SLC4A1AP: variants seen among roughly 807,000 people sequenced by gnomAD.
The protein encoded by SLC4A1AP is kanadaptin.
A neutral mutation model predicts 89.7 loss-of-function variants in SLC4A1AP; 64 were observed. That is an observed-to-expected ratio of 0.71 (90% CI 0.58 to 0.88). The LOEUF is 0.88. Ranked by LOEUF, SLC4A1AP falls within the 40% of genes least tolerant of loss-of-function variation. The pLI, the probability that SLC4A1AP is intolerant of heterozygous loss-of-function variation, is 0.00. For missense variants in SLC4A1AP, 931 were observed against 965.0 expected (o/e 0.96, Z 0.47); for synonymous variants, 366 against 353.3 (o/e 1.04, Z -0.40).
At chr2:27,677,344 G>T in exon 7 of SLC4A1AP, 1 of 1,613,292 alleles carries the variant, frequency 6.2e-7, no homozygotes, top group Non-Finnish European at 8.5e-7. Context: ...ATTTCTGAGA[G>T]ATTGAAAGCC....
chr2:27,687,840 C>CT, intron 10 of SLC4A1AP, 94 bp from the exon 11 acceptor site: 1 of 868,978 alleles, frequency 1.2e-6, no homozygotes. Context: ...TGATTATGTA[C>CT]TTAGCTTCTC....
intron 12 of SLC4A1AP, among the ~76,000 whole-genome samples, chr2:27,689,976 T>G (rs1352532063): frequency 1.3e-5 from 2 of 152,220 alleles, no homozygotes; most frequent in African/African-American, 4.8e-5. Context: ...GAGTGTCATG[T>G]AACTCACTGG....
At position 27,693,481 on chromosome 2, in the gene SLC4A1AP, T is replaced by C. The variant is rs543239127; in HGVS notation, c.2272-204T>C. 2.4e-5 allele frequency: 13 copies of C among 544,354 alleles called. No individual in the cohort carries two copies. In the South Asian group the frequency reaches 3.3e-4, roughly 14 times the overall value. 33.7% of individuals were successfully genotyped at this position (544,354 alleles called of 1,614,324 possible). On this transcript the variant is annotated intron_variant, in intron 12 of 13. Transcript: ENST00000613058. ...ATTTCTTGTAGGTCTGGTCTGGTAG[T>C]GACAAATTCCCTCAGCATGTGCTTG...
At chr2:27,688,657 T>A (rs1318344670) in intron 11 of SLC4A1AP, 43 bp from the exon 12 acceptor site, 10 of 1,377,474 alleles carry the variant, frequency 7.3e-6, no homozygotes, top group Admixed American at 6.4e-5. Flanking sequence ...TTATTTTACT[T>A]ATACTGAAAA....
chr2:27,669,329 G>T, exon 5 of SLC4A1AP: 1 of 1,613,566 alleles, frequency 6.2e-7, no homozygotes, highest in Non-Finnish European at 8.5e-7. Context: ...CAATGATCCA[G>T]TGCTCATTGG....
At chr2:27,671,610 C>T (rs1239422810) in intron 5 of SLC4A1AP, among the ~76,000 whole-genome samples, 1 of 152,216 alleles carries the variant, frequency 6.6e-6, no homozygotes, top group Non-Finnish European at 1.5e-5. Flanking sequence ...TGGGACTTAA[C>T]TTTCCTATCA....
chr2:27,674,576 CTTTA>C (rs1453735822), intron 5 of SLC4A1AP, among the ~76,000 whole-genome samples: 1 of 149,476 alleles, frequency 6.7e-6, no homozygotes. Context: ...TAAATTTGTA[CTTTA>C]TTTTTTTTTA....
chr2:27,683,805 G>T (rs891222514), intron 9 of SLC4A1AP, among the ~76,000 whole-genome samples: 4 of 151,954 alleles, frequency 2.6e-5, no homozygotes, highest in African/African-American at 9.7e-5. Flanking sequence ...TGGCCATCTC[G>T]GCTCACTGCA....
chr2:27,671,617 A>G (rs1004392093), intron 5 of SLC4A1AP, among the ~76,000 whole-genome samples: 26 of 152,148 alleles, frequency 1.7e-4, no homozygotes, highest in African/African-American at 5.8e-4. Context: ...TAACTTTCCT[A>G]TCATCCTTAA....
chr2:27,664,428 A>G (rs1381895147), exon 1 of SLC4A1AP: 1 of 1,614,090 alleles, frequency 6.2e-7, no homozygotes, highest in African/African-American at 1.3e-5. Flanking sequence ...AGAATGCGAC[A>G]GCAACGGGCC....
intron 8 of SLC4A1AP, among the ~76,000 whole-genome samples, chr2:27,680,190 G>A (rs1252857390): frequency 6.6e-6 from 1 of 152,156 alleles, no homozygotes; most frequent in Non-Finnish European, 1.5e-5. Flanking sequence ...CTGTATCTCT[G>A]GAAAGATTCG....
chr2:27,677,250 T>C, intron 6 of SLC4A1AP, 45 bp from the exon 7 acceptor site: 1 of 1,270,810 alleles, frequency 7.9e-7, no homozygotes, highest in African/African-American at 1.5e-5. Flanking sequence ...AAAAACAGTT[T>C]GAAAGAAGAA....
intron 5 of SLC4A1AP, among the ~76,000 whole-genome samples, chr2:27,670,922 C>CTTT (rs34481114): frequency 6.3e-5 from 7 of 111,842 alleles, no homozygotes; most frequent in Non-Finnish European, 1.3e-4. Flanking sequence ...CTTTTCTTTT[C>CTTT]TTTTTTTTTT....
At chr2:27,665,325 A>G (rs780952031) in intron 2 of SLC4A1AP, 30 bp downstream of exon 2, 1 of 1,559,918 alleles carries the variant, frequency 6.4e-7, no homozygotes, top group South Asian at 1.2e-5. Context: ...GCCGGAGGTT[A>G]ATATTTTAAG....
At chr2:27,672,453 C>T (rs1208448403) in intron 5 of SLC4A1AP, among the ~76,000 whole-genome samples, 1 of 152,074 alleles carries the variant, frequency 6.6e-6, no homozygotes, top group African/African-American at 2.4e-5. Flanking sequence ...AGAGAAGGCT[C>T]AGAGACTCCA....
intron 4 of SLC4A1AP, 37 bp downstream of exon 4, chr2:27,668,940 AT>A: frequency 6.3e-7 from 1 of 1,590,146 alleles, no homozygotes; most frequent in Non-Finnish European, 8.6e-7. Flanking sequence ...TTTCTGGAAA[AT>A]GGCCAATTTC....
chr2:27,664,086 A>G, exon 1 of SLC4A1AP: 1 of 1,614,156 alleles, frequency 6.2e-7, no homozygotes, highest in Admixed American at 1.7e-5. Flanking sequence ...GCAGGACTCC[A>G]ATTCTGGGGA....
At chr2:27,685,044 C>T (rs761723976) in exon 10 of SLC4A1AP, 3 of 1,598,112 alleles carry the variant, frequency 1.9e-6, no homozygotes, top group East Asian at 4.5e-5. Flanking sequence ...TAGAAGTTAC[C>T]CCCCAAGCGT....
At chr2:27,685,459 T>G (rs1369205158) in intron 10 of SLC4A1AP, among the ~76,000 whole-genome samples, 182 bp downstream of exon 10, 1 of 152,226 alleles carries the variant, frequency 6.6e-6, no homozygotes, top group Non-Finnish European at 1.5e-5. Flanking sequence ...ATTATTTGTC[T>G]TCATTGCAAA....
Sources: gnomAD v4.1 joint callset for allele counts (sites outside exome capture counted in the v4.1 genomes callset) on GRCh38, gnomAD v4.1.1 for gene constraint, MANE v1.5 for transcripts, NCBI Gene and HGNC (gene_info 2026-07-23, HGNC 2026-07-21) for gene names.